Variants in SEMA6D observed in about 807,000 individuals in gnomAD.
SEMA6D encodes the protein semaphorin 6D.
Under a neutral mutation model 106.6 loss-of-function variants are expected in SEMA6D, and 35 were observed. That is an observed-to-expected ratio of 0.33 (90% CI 0.25 to 0.44). The LOEUF (loss-of-function observed/expected upper bound fraction) is 0.44. SEMA6D is among the 20% of genes least tolerant of loss of function. The probability of loss-of-function intolerance (pLI) is 1.00; values close to 1 mark genes in which losing one functional copy is unlikely to be tolerated. For missense variants in SEMA6D, 1,185 were observed against 1,345.9 expected (o/e 0.88, Z 1.87); for synonymous variants, 499 against 487.7 (o/e 1.02, Z -0.31).
intron 1 of SEMA6D, among the ~76,000 whole-genome samples, chr15:47,266,253 C>A (rs1248988472): frequency 6.6e-6 from 1 of 151,772 alleles, no homozygotes; most frequent in African/African-American, 2.4e-5. Context: ...TTTTCCAGAG[C>A]CCCTTAGACT....
intron 18 of SEMA6D, among the ~76,000 whole-genome samples, chr15:47,768,996 T>C (rs1317658313): frequency 2.0e-5 from 3 of 152,188 alleles, no homozygotes; most frequent in Admixed American, 2.0e-4. Flanking sequence ...CTAATCTGTG[T>C]TGATTTCTGT....
At chr15:47,702,481 T>C (rs2078831753) in intron 4 of SEMA6D, among the ~76,000 whole-genome samples, 1 of 152,176 alleles carries the variant, frequency 6.6e-6, no homozygotes, top group South Asian at 2.1e-4. Flanking sequence ...AAACTAAACA[T>C]ATGCTTACCA....
chr15:47,393,472 A>G (rs1285663383), intron 1 of SEMA6D: 1 of 152,208 alleles, frequency 6.6e-6, no homozygotes, highest in Non-Finnish European at 1.5e-5. Flanking sequence ...CCTCATTCCT[A>G]CAAGAGCCAT....
In SEMA6D at chr15:47,572,887, A is replaced by C. The variant is rs2076088483; in HGVS notation, c.-86-27978A>C. 2.0e-5 allele frequency among the ~76,000 whole-genome samples: 3 copies of C among 152,314 alleles called. No individual in the cohort carries two copies. In the South Asian group the frequency reaches 6.2e-4, roughly 32 times the overall value. On this transcript the variant is annotated intron_variant, in intron 3 of 19. Coordinates refer to the SEMA6D transcript ENST00000558014. ...GGTTTTAAAGGTGAAACAACATCGC[A>C]TATGCAGGCTCTGTCCTCATGGAAT...
rs151233556 is a variant in SEMA6D at position 47,268,139 on chromosome 15, A to C, written c.-239+83721A>C. ...ATCTTTATGCACATTAATGTTTGAA[A>C]GGCACTGCTGAAACTTTATTGCACA... is the stretch of plus-strand genomic sequence containing the variant. On this transcript the variant is annotated intron_variant, in intron 1 of 19. Coordinates refer to the SEMA6D transcript ENST00000558014. Among the ~76,000 whole-genome samples the C allele has an allele frequency of 2.2e-4, 34 of 152,266 alleles. 1 individual carries two copies. Among genetic ancestry groups the C allele is most frequent in the Non-Finnish European group, 4.0e-4 (27 of 68,010 alleles).
intron 3 of SEMA6D, among the ~76,000 whole-genome samples, chr15:47,517,692 C>A (rs1034478931): frequency 6.6e-6 from 1 of 152,082 alleles, no homozygotes; most frequent in Non-Finnish European, 1.5e-5. Context: ...TGCTGTATTT[C>A]CTTCATGCCA....
chr15:47,761,635 A>G, intron 6 of SEMA6D, 26 bp from the exon 7 acceptor site: 1 of 1,550,812 alleles, frequency 6.4e-7, no homozygotes, highest in South Asian at 1.1e-5. Flanking sequence ...TAGATATGAC[A>G]CTGGCTATTT....
chr15:47,675,555 A>C (rs979441533), intron 4 of SEMA6D, among the ~76,000 whole-genome samples: 2 of 152,054 alleles, frequency 1.3e-5, no homozygotes, highest in Non-Finnish European at 2.9e-5. Context: ...GAAAATACCC[A>C]ATCTGTGGTA....
At chr15:47,489,346 A>G (rs374189702) in intron 3 of SEMA6D, among the ~76,000 whole-genome samples, 13 of 152,316 alleles carry the variant, frequency 8.5e-5, no homozygotes, top group African/African-American at 2.9e-4. Flanking sequence ...GTTTTAGGCC[A>G]CCAAGTTTGT....
intron 1 of SEMA6D, among the ~76,000 whole-genome samples, chr15:47,332,500 C>T (rs928611762): frequency 5.3e-5 from 8 of 152,194 alleles, no homozygotes; most frequent in Admixed American, 2.6e-4. Flanking sequence ...AACTTGGGAA[C>T]ATGTCCCTAG....
chr15:47,608,273 C>T (rs1359635449), intron 4 of SEMA6D, among the ~76,000 whole-genome samples: 1 of 152,206 alleles, frequency 6.6e-6, no homozygotes, highest in Non-Finnish European at 1.5e-5. Flanking sequence ...ACCTCCTCCT[C>T]TGTCACTGGC....
At chr15:47,371,596 G>A (rs911540345) in intron 1 of SEMA6D, among the ~76,000 whole-genome samples, 2 of 152,078 alleles carry the variant, frequency 1.3e-5, no homozygotes, top group African/African-American at 4.8e-5. Context: ...ACCCTTCAGT[G>A]CTATCACATA....
Position 47,510,186 on chromosome 15 carries a change from C to T in SEMA6D, c.-87+39641C>T, listed in dbSNP as rs560899121. On this transcript the variant is annotated intron_variant, in intron 3 of 19. Transcript: ENST00000558014. ...CAAGCAGGCATTACCACCTGAGCTC[C>T]GGCTTCTGTCAATCAGCTGTGTCAT... Among the ~76,000 whole-genome samples the T allele has an allele frequency of 2.4e-4, 36 of 152,242 alleles. No homozygotes were observed. The South Asian group carries it at 4.6e-3, about 19-fold the overall frequency.
At chr15:47,449,714 C>T (rs564091052) in intron 2 of SEMA6D, among the ~76,000 whole-genome samples, 3 of 152,146 alleles carry the variant, frequency 2.0e-5, no homozygotes, top group African/African-American at 7.2e-5. Flanking sequence ...GTCTCATTAC[C>T]ATCTCTTATC....
intron 1 of SEMA6D, among the ~76,000 whole-genome samples, chr15:47,244,547 C>T (rs2033098398): frequency 6.6e-6 from 1 of 152,038 alleles, no homozygotes; most frequent in African/African-American, 2.4e-5. Flanking sequence ...TGTGTGAAAA[C>T]TTAGGCACAG....
intron 4 of SEMA6D, among the ~76,000 whole-genome samples, chr15:47,659,551 G>T (rs1474293562): frequency 2.0e-5 from 3 of 151,838 alleles, no homozygotes; most frequent in Non-Finnish European, 4.4e-5. Context: ...TACAAACTTG[G>T]AGTGGAGAAG....
At chr15:47,499,166 C>T (rs992566977) in intron 3 of SEMA6D, among the ~76,000 whole-genome samples, 6 of 152,196 alleles carry the variant, frequency 3.9e-5, no homozygotes, top group East Asian at 3.9e-4. Flanking sequence ...ATGAATTCTA[C>T]GAAACTTGTT....
chr15:47,770,607 G>A lies in SEMA6D; in HGVS notation c.2044G>A (p.Ala682Thr). Reference protein sequence around the residue: ...FVLGAFIAGVAVYCYRDMFVR... With the variant: ...FVLGAFIAGVTVYCYRDMFVR... The stretch of plus-strand genomic sequence containing the variant: ...TTTGGGGGCATTCATTGCAGGTGTG[G>A]CAGTATACTGCTATCGAGACATGTT... Residue 682 changes from alanine to threonine, a missense_variant, in exon 19 of 19, where the codon GCA becomes ACA. Coordinates refer to ENST00000536845, the MANE Select transcript of SEMA6D (RefSeq NM_001358351.3). The A allele has an allele frequency of 6.2e-7, 1 of 1,614,020 alleles. No individual in the cohort carries two copies. The highest frequency in any genetic ancestry group is 1.1e-5 in the South Asian group (1 of 91,064).
rs575040801 is a variant in SEMA6D, at chr15:47,246,383, C to A, written c.-239+61965C>A. 2.0e-4 allele frequency among the ~76,000 whole-genome samples: 31 copies of A among 152,188 alleles called. No individual in the cohort carries two copies. In the South Asian group the frequency reaches 5.4e-3, roughly 26 times the overall value. On this transcript the variant is annotated intron_variant, in intron 1 of 19. Coordinates refer to the SEMA6D transcript ENST00000558014. ...GCATGAGGGACACAAGTACAGCCTA[C>A]GGTACAGGGCTGAAGGAGGGAGGGA...
Sources: gnomAD v4.1 joint callset for allele counts (sites outside exome capture counted in the v4.1 genomes callset) on GRCh38, gnomAD v4.1.1 for gene constraint, MANE v1.5 for transcripts, NCBI Gene and HGNC (gene_info 2026-07-23, HGNC 2026-07-21) for gene names.